The following FLT1 variants were observed in gnomAD, a reference collection of about 807,000 sequenced individuals.
The protein encoded by FLT1 is fms related receptor tyrosine kinase 1, also known as vascular endothelial growth factor receptor 1.
FLT1 carries 49 observed loss-of-function variants against 156.3 expected under a neutral mutation model. That is an observed-to-expected ratio of 0.31 (90% CI 0.25 to 0.40). The LOEUF (loss-of-function observed/expected upper bound fraction) is 0.40, where lower values mean the gene tolerates loss of function less well. FLT1 is among the 10% of genes least tolerant of loss of function. The pLI is 1.00. For missense variants in FLT1, 1,322 were observed against 1,637.2 expected (o/e 0.81, Z 3.32); for synonymous variants, 594 against 583.8 (o/e 1.02, Z -0.25).
intron 3 of FLT1, among the ~76,000 whole-genome samples, chr13:28,459,118 T>A (rs1306359825): frequency 6.6e-6 from 1 of 152,236 alleles, no homozygotes; most frequent in East Asian, 1.9e-4. Context: ...ATTTGAAGGA[T>A]AATTCTGCAG....
intron 14 of FLT1, among the ~76,000 whole-genome samples, chr13:28,382,046 G>T (rs1874100773): frequency 1.3e-5 from 2 of 152,022 alleles, no homozygotes; most frequent in South Asian, 4.2e-4. Context: ...ATATGAACTG[G>T]TGATTTAAAA....
rs1870482218 is a variant in FLT1, at chr13:28,300,746, C to G, written c.*2421G>C. On this transcript the variant is annotated 3_prime_UTR_variant, in exon 30 of 30. Coordinates refer to ENST00000282397, the MANE Select transcript of FLT1 (RefSeq NM_002019.4). ...ACTTGCACATGGTTTCAGCCCCATT[C>G]CACCCAGACTGTTCCACGTACATTA... is the stretch of plus-strand genomic sequence containing the variant. The G allele has an allele frequency of 4.3e-6, 1 of 233,090 alleles. No individual in the cohort carries two copies. The highest frequency in any genetic ancestry group is 8.5e-6 in the Non-Finnish European group (1 of 118,052). The allele number at this position is 233,090 out of a possible 1,614,324, so 14.4% of individuals were successfully genotyped here.
At chr13:28,386,464 C>T in intron 13 of FLT1, 2 of 1,045,098 alleles carry the variant, frequency 1.9e-6, no homozygotes, top group Non-Finnish European at 1.2e-6. Flanking sequence ...AATCTGAAGG[C>T]AAAAAAGTGT....
At chr13:28,475,413 T>C (rs1464076568) in intron 1 of FLT1, among the ~76,000 whole-genome samples, 3 of 152,228 alleles carry the variant, frequency 2.0e-5, no homozygotes, top group Non-Finnish European at 2.9e-5. Context: ...ATGGCCTCTT[T>C]ATCTAAATAG....
intron 3 of FLT1, among the ~76,000 whole-genome samples, chr13:28,447,444 C>T (rs1489591944): frequency 6.6e-6 from 1 of 151,990 alleles, no homozygotes; most frequent in Non-Finnish European, 1.5e-5. Context: ...GCCCCGGTCT[C>T]CCAAAGTGCT....
intron 14 of FLT1, among the ~76,000 whole-genome samples, chr13:28,363,501 A>G (rs1276314916): frequency 6.6e-6 from 1 of 152,166 alleles, no homozygotes; most frequent in Non-Finnish European, 1.5e-5. Flanking sequence ...ATAGGTATAT[A>G]TCTGTACAGA....
At chr13:28,465,267 T>C (rs1879787269) in intron 3 of FLT1, among the ~76,000 whole-genome samples, 1 of 152,138 alleles carries the variant, frequency 6.6e-6, no homozygotes, top group Non-Finnish European at 1.5e-5. Context: ...CCCACTCATA[T>C]GTGGAAGTGA....
rs540221465 is a variant in FLT1, at chr13:28,428,200, T to C, written c.1107-279A>G. On this transcript the variant is annotated intron_variant, in intron 8 of 29. Coordinates refer to ENST00000282397, the MANE Select transcript of FLT1 (RefSeq NM_002019.4). ...CCCACAGGCATACTGGTGGCCACTG[T>C]GACTTAAGTATTAACCCAGAAGCAG... Among the ~76,000 whole-genome samples the C allele has an allele frequency of 6.6e-5, 10 of 152,296 alleles. No homozygotes were observed. The East Asian group carries it at 1.9e-3, about 29-fold the overall frequency.
intron 8 of FLT1, among the ~76,000 whole-genome samples, chr13:28,428,777 G>C (rs1566022276): frequency 6.6e-6 from 1 of 152,132 alleles, no homozygotes; most frequent in Non-Finnish European, 1.5e-5. Flanking sequence ...CTTGTGTTCT[G>C]TATAAAGGTT....
At chr13:28,307,607 T>C (rs1249818037) in intron 28 of FLT1, among the ~76,000 whole-genome samples, 1 of 152,038 alleles carries the variant, frequency 6.6e-6, no homozygotes, top group Non-Finnish European at 1.5e-5. Flanking sequence ...TTTAAAATAA[T>C]ATTTCCCTTT....
intron 10 of FLT1, among the ~76,000 whole-genome samples, chr13:28,412,372 C>T (rs1472142539): frequency 8.9e-6 from 1 of 112,136 alleles, no homozygotes. Context: ...TTCTTTCTTT[C>T]TTTCTTTCTT....
In FLT1 at chr13:28,466,973, G is replaced by T; in HGVS notation, c.318C>A (p.Ser106Arg). The T allele has an allele frequency of 6.2e-7, 1 of 1,614,146 alleles. No individual in the cohort carries two copies. Among genetic ancestry groups the T allele is most frequent in the Middle Eastern group, 1.6e-4 (1 of 6,062 alleles). The change falls in exon 3 of 30, where the codon AGC becomes AGA. Residue 106 changes from serine (S) to arginine (R), a missense_variant. Ser to Arg is a moderately radical substitution (Grantham distance 110). Around this residue, in one of 3 missense-constraint regions of FLT1, gnomAD observed 991 missense variants for 1,254.8 expected, o/e 0.79. Coordinates refer to ENST00000282397, the MANE Select transcript of FLT1 (RefSeq NM_002019.4). ...AAGTAGGTACAGCTAGATATTTGCA[G>T]CTGTAGAAGCCAGTGTGGTTTGCTT... ...TAQANHTGFYSCKYLAVPTSK... is the reference protein window; with the variant it reads ...TAQANHTGFYRCKYLAVPTSK...
At chr13:28,327,437 A>C (rs1375875117) in intron 20 of FLT1, 25 bp downstream of exon 20, 2 of 1,444,774 alleles carry the variant, frequency 1.4e-6, no homozygotes, top group Non-Finnish European at 1.9e-6. Flanking sequence ...TATCTTTAAA[A>C]ACCTCCAACT....
chr13:28,353,402 G>A (rs576854163), intron 15 of FLT1, among the ~76,000 whole-genome samples: 30 of 151,756 alleles, frequency 2.0e-4, no homozygotes, highest in East Asian at 7.8e-4. Context: ...GTGAGACCCC[G>A]TCTCTACTAA....
At chr13:28,371,809 G>T (rs1222695738) in intron 14 of FLT1, among the ~76,000 whole-genome samples, 1 of 151,828 alleles carries the variant, frequency 6.6e-6, no homozygotes, top group Non-Finnish European at 1.5e-5. Context: ...GACAGCAATT[G>T]GTATAATCTG....
chr13:28,475,669 G>A (rs553923606), intron 1 of FLT1, among the ~76,000 whole-genome samples: 7 of 152,218 alleles, frequency 4.6e-5, no homozygotes, highest in South Asian at 2.1e-4. Context: ...TTTTATTTGC[G>A]ATGCTTATTC....
chr13:28,354,952 T>G lies in FLT1; in HGVS notation c.2248+2602A>C, dbSNP rs142513277. Among the ~76,000 whole-genome samples, 33 of 152,292 alleles carry G rather than the reference T, an allele frequency of 2.2e-4. 1 individual carries two copies. Among genetic ancestry groups the G allele is most frequent in the African/African-American group, 7.2e-4 (30 of 41,558 alleles). On this transcript the variant is annotated intron_variant, in intron 15 of 29. Coordinates refer to ENST00000282397, the MANE Select transcript of FLT1 (RefSeq NM_002019.4). ...TTAGAAATTATCAGTAATGCAGTAT[T>G]CTTAACATCTGACTTTTCAGAAAAG...
chr13:28,428,388 A>G (rs1288230982), intron 8 of FLT1, among the ~76,000 whole-genome samples: 6 of 152,188 alleles, frequency 3.9e-5, no homozygotes, highest in African/African-American at 1.2e-4. Flanking sequence ...AGTTTTATAA[A>G]TGGTCACACC....
chr13:28,494,586 C>T (rs1399372793), intron 1 of FLT1, among the ~76,000 whole-genome samples, 194 bp downstream of exon 1: 1 of 152,202 alleles, frequency 6.6e-6, no homozygotes, highest in Non-Finnish European at 1.5e-5. Context: ...CTCCTCGAGG[C>T]GCTCCCTCGG....
Sources: allele counts gnomAD v4.1 joint callset (sites outside exome capture counted in the v4.1 genomes callset), GRCh38; gene constraint gnomAD v4.1.1; regional missense constraint gnomAD v4.1.1; transcripts MANE v1.5; gene names NCBI Gene and HGNC (gene_info 2026-07-23, HGNC 2026-07-21).